The following LRIF1 variants were observed in gnomAD, a reference collection of about 807,000 sequenced individuals.
The protein encoded by LRIF1 is ligand-dependent nuclear receptor-interacting factor 1.
A neutral mutation model predicts 52.7 loss-of-function variants in LRIF1; 32 were observed. That is an observed-to-expected ratio of 0.61 (90% CI 0.46 to 0.82). The LOEUF (loss-of-function observed/expected upper bound fraction) is 0.82, where lower values mean the gene tolerates loss of function less well. Among genes scored for constraint, LRIF1 ranks in the 40% least tolerant of loss-of-function variants. The pLI, the probability that LRIF1 is intolerant of heterozygous loss-of-function variation, is 0.00. For missense variants in LRIF1, 887 were observed against 892.0 expected (o/e 0.99, Z 0.07); for synonymous variants, 323 against 317.4 (o/e 1.02, Z -0.19).
At chr1:110,956,612 A>G (rs1658710040) in intron 1 of LRIF1, among the ~76,000 whole-genome samples, 2 of 152,224 alleles carry the variant, frequency 1.3e-5, no homozygotes, top group Non-Finnish European at 2.9e-5. Context: ...AGATGCAGCA[A>G]TTTCATCTAA....
At chr1:110,949,775 AAACC>A in intron 3 of LRIF1, 72 bp downstream of exon 3, 2 of 1,464,480 alleles carry the variant, frequency 1.4e-6, no homozygotes, top group African/African-American at 2.8e-5. Flanking sequence ...ACAAGGGTTA[AAACC>A]AAATCAAGAA....
chr1:110,896,544 C>A, the LRIF1 span: 1 of 976,390 alleles, frequency 1.0e-6, no homozygotes, highest in Non-Finnish European at 1.6e-6. Flanking sequence ...CAATTCTGGA[C>A]TTCTGCTATA....
At chr1:110,896,843 C>A in the LRIF1 span, 1 of 926,062 alleles carries the variant, frequency 1.1e-6, no homozygotes, top group Admixed American at 2.6e-5. Flanking sequence ...AACAGGGGAC[C>A]TTGAATAAAA....
At chr1:110,916,068 G>A in the LRIF1 span, among the ~76,000 whole-genome samples, 1 of 152,022 alleles carries the variant, frequency 6.6e-6, no homozygotes, top group Non-Finnish European at 1.5e-5. Context: ...AACTGAATGT[G>A]TTTATCAAGA....
the LRIF1 span, among the ~76,000 whole-genome samples, chr1:110,885,398 C>A: frequency 6.6e-6 from 1 of 152,044 alleles, no homozygotes; most frequent in Non-Finnish European, 1.5e-5. Flanking sequence ...ATTAGCTGGA[C>A]GTGGTGGCAG....
chr1:110,963,156 C>A (rs564034158), intron 1 of LRIF1: 1 of 152,514 alleles, frequency 6.6e-6, no homozygotes, highest in Non-Finnish European at 1.5e-5. Flanking sequence ...ATTCGATCTC[C>A]TCATTCTAAA....
intron 2 of LRIF1, among the ~76,000 whole-genome samples, chr1:110,951,020 T>C (rs1396342660): frequency 2.6e-5 from 4 of 152,190 alleles, no homozygotes; most frequent in Admixed American, 1.3e-4. Flanking sequence ...TAAACCTTTT[T>C]GCTCTGTGAA....
At chr1:110,946,635 T>C (rs1367308433), downstream of LRIF1, among the ~76,000 whole-genome samples, 1 of 150,760 alleles carries the variant, frequency 6.6e-6, no homozygotes, top group East Asian at 1.9e-4. Flanking sequence ...CCTCTCTTAC[T>C]TCCAGAGATT....
At chr1:110,905,410 T>C in the LRIF1 span, among the ~76,000 whole-genome samples, 33 of 149,322 alleles carry the variant, frequency 2.2e-4, no homozygotes, top group Non-Finnish European at 4.0e-4. Flanking sequence ...ACAAATAACA[T>C]ACAATGGAGC....
At chr1:110,953,696 C>T (rs1304234079) in intron 1 of LRIF1, among the ~76,000 whole-genome samples, 1 of 152,050 alleles carries the variant, frequency 6.6e-6, no homozygotes, top group African/African-American at 2.4e-5. Context: ...AAATACCTTA[C>T]CTTATTTATA....
chr1:110,911,964 T>C, the LRIF1 span, among the ~76,000 whole-genome samples: 2 of 152,144 alleles, frequency 1.3e-5, no homozygotes, highest in African/African-American at 2.4e-5. Context: ...ATGCCCACTC[T>C]TACCACTCCT....
In LRIF1 at chr1:110,947,257, A is replaced by G. The variant is rs1483184489; in HGVS notation, c.*702T>C. ...CAGGATCTACTTTTTACACAATCTC[A>G]GTAACGTATGTACATAGTCCCAAAA... On this transcript the variant is annotated 3_prime_UTR_variant, in exon 4 of 4. Coordinates refer to ENST00000369763, the MANE Select transcript of LRIF1 (RefSeq NM_018372.4). 1 of 150,704 alleles carries G rather than the reference A, an allele frequency of 6.6e-6. No individual in the cohort carries two copies. Among genetic ancestry groups the G allele is most frequent in the Non-Finnish European group, 1.5e-5 (1 of 67,582 alleles). The allele number at this position is 150,704 out of a possible 1,614,324, so 9.3% of individuals were successfully genotyped here.
intron 2 of LRIF1, among the ~76,000 whole-genome samples, chr1:110,950,486 G>A (rs139310292): frequency 6.6e-6 from 1 of 152,096 alleles, no homozygotes; most frequent in Admixed American, 6.6e-5. Flanking sequence ...ATCTTGTATT[G>A]AACAATCAGA....
At position 110,963,700 on chromosome 1, in the gene LRIF1, G is replaced by A. The variant is rs769824955; in HGVS notation, c.-12C>T. 2 of 1,599,474 alleles carry A rather than the reference G, an allele frequency of 1.3e-6. No homozygotes were observed. The highest frequency in any genetic ancestry group is 2.2e-5 in the East Asian group (1 of 44,570). On this transcript the variant is annotated 5_prime_UTR_variant, in exon 1 of 4. Transcript: ENST00000369763. Reference sequence around the variant, plus strand: ...AGGTTATTTGACATTTTAGTGGGGAGAAAGGGGACACCTCATCCAGAAAAG... The same window carrying A: ...AGGTTATTTGACATTTTAGTGGGGAAAAAGGGGACACCTCATCCAGAAAAG...
chr1:110,925,567 T>C, the LRIF1 span, among the ~76,000 whole-genome samples: 3 of 152,012 alleles, frequency 2.0e-5, no homozygotes, highest in African/African-American at 7.2e-5. Context: ...TGTTGAAAAA[T>C]TTCTCTCTGA....
the LRIF1 span, chr1:110,892,686 A>G: frequency 1.5e-6 from 1 of 672,256 alleles, no homozygotes; most frequent in Non-Finnish European, 2.6e-6. Flanking sequence ...CCAGACCAAT[A>G]GTATATTATG....
In LRIF1 at chr1:110,948,137, T is replaced by A; in HGVS notation, c.2132A>T (p.Asn711Ile). Residue 711 changes from asparagine (N) to isoleucine (I), a missense_variant, in exon 4 of 4, where the codon AAT (asparagine) becomes ATT (isoleucine). By Grantham distance (149) the Asn-to-Ile change is moderately radical. Transcript: ENST00000369763. ...GAAATGACTTTGTTCATAAGCTGCATTTGAATTCAAAGTGCCTTTCTCTTG... is the reference window on the plus strand; with the variant it reads ...GAAATGACTTTGTTCATAAGCTGCAATTGAATTCAAAGTGCCTTTCTCTTG... ...EKQEKGTLNS[N>I]AAYEQSHFFN... is the part of the protein sequence containing the mutation. 1 of 1,614,136 alleles carries A rather than the reference T, an allele frequency of 6.2e-7. No individual in the cohort carries two copies. The highest frequency in any genetic ancestry group is 8.5e-7 in the Non-Finnish European group (1 of 1,180,010).
At chr1:110,922,266 C>T in the LRIF1 span, among the ~76,000 whole-genome samples, 1 of 152,094 alleles carries the variant, frequency 6.6e-6, no homozygotes, top group Non-Finnish European at 1.5e-5. Context: ...TTGATTAATG[C>T]CATTATTGGG....
At chr1:110,900,487 C>T in the LRIF1 span, among the ~76,000 whole-genome samples, 754 of 152,262 alleles carry the variant, frequency 5.0e-3, 14 homozygotes, top group African/African-American at 0.017. Context: ...CTGCTTCAGC[C>T]TCCTGACTGG....
Sources: allele counts gnomAD v4.1 joint callset (sites outside exome capture counted in the v4.1 genomes callset), GRCh38; gene constraint gnomAD v4.1.1; transcripts MANE v1.5; gene names NCBI Gene and HGNC (gene_info 2026-07-23, HGNC 2026-07-21).